RGR: variants seen among roughly 807,000 people sequenced by gnomAD.
RGR encodes retinal G protein coupled receptor.
RGR carries 30 observed loss-of-function variants against 28.6 expected under a neutral mutation model. The ratio of observed to expected loss-of-function variants is 1.05; its 90% CI spans 0.78 to 1.42. RGR has a LOEUF of 1.42. Among genes scored for constraint, RGR ranks in the 40% most tolerant of loss-of-function variants. The pLI is 0.00. For synonymous variants in RGR, 180 were observed against 156.4 expected (o/e 1.15, Z -1.13); for missense variants, 404 against 375.6 (o/e 1.08, Z -0.62).
At chr10:84,247,363 T>C (rs545946122) in intron 1 of RGR, among the ~76,000 whole-genome samples, 8 of 152,290 alleles carry the variant, frequency 5.3e-5, no homozygotes, top group African/African-American at 1.2e-4. Flanking sequence ...CAAGTAAAGA[T>C]TGAATGAGAT....
rs1842929168 is a variant in RGR, at chr10:84,259,599, A to G, written c.*960A>G. 1 of 152,164 alleles carries G rather than the reference A, an allele frequency of 6.6e-6. No homozygotes were observed. Among genetic ancestry groups the G allele is most frequent in the Admixed American group, 6.5e-5 (1 of 15,268 alleles). The allele number at this position is 152,164 out of a possible 1,614,324, so 9.4% of individuals were successfully genotyped here. A position where few individuals can be genotyped will look rare whatever the true frequency, so the allele number is the denominator to read the frequency against. On this transcript the variant is annotated 3_prime_UTR_variant, in exon 7 of 7. Coordinates refer to ENST00000652092, the MANE Select transcript of RGR (RefSeq NM_001012720.2). ...ATAGCCATTCTCACTTGTGTGAGAT[A>G]AGGTCTCATTGTGGTTTTAATTTCC...
chr10:84,249,425 G>C (rs1205944430), intron 3 of RGR, among the ~76,000 whole-genome samples: 1 of 152,136 alleles, frequency 6.6e-6, no homozygotes, highest in Non-Finnish European at 1.5e-5. Flanking sequence ...TGATTCTTTT[G>C]CCTCAGCCTC....
intron 2 of RGR, chr10:84,248,675 G>A (rs752602925): frequency 1.2e-5 from 7 of 606,192 alleles, no homozygotes; most frequent in Admixed American, 2.7e-5. Context: ...ATCTGATCAC[G>A]CAGAGAGAGC....
At chr10:84,249,083 A>G in intron 3 of RGR, 40 bp downstream of exon 3, 2 of 1,611,596 alleles carry the variant, frequency 1.2e-6, no homozygotes, top group Non-Finnish European at 1.7e-6. Context: ...ACACCGATGC[A>G]GTGTGGAGAG....
At chr10:84,245,645 T>G (rs1192410445) in intron 1 of RGR, among the ~76,000 whole-genome samples, 2 of 151,986 alleles carry the variant, frequency 1.3e-5, no homozygotes, top group Non-Finnish European at 1.5e-5. Context: ...TCCGAATGGG[T>G]GGTTGTAAAG....
intron 2 of RGR, 37 bp from the exon 3 acceptor site, chr10:84,248,885 C>T (rs1262658213): frequency 3.7e-6 from 6 of 1,614,034 alleles, no homozygotes; most frequent in East Asian, 2.2e-5. Flanking sequence ...TGGAAAGGAT[C>T]GGAGGAGAGG....
At chr10:84,254,129 A>G (rs957470299) in intron 4 of RGR, among the ~76,000 whole-genome samples, 197 bp from the exon 5 acceptor site, 2 of 152,192 alleles carry the variant, frequency 1.3e-5, no homozygotes, top group African/African-American at 4.8e-5. Context: ...CTTGAACAAG[A>G]AAGAGGCCTC....
intron 5 of RGR, among the ~76,000 whole-genome samples, chr10:84,254,717 C>A (rs983405228): frequency 6.6e-6 from 1 of 152,190 alleles, no homozygotes; most frequent in African/African-American, 2.4e-5. Context: ...CTCTAGCCAG[C>A]ATCTGCCTTT....
chr10:84,246,153 T>C (rs958902295), intron 1 of RGR, among the ~76,000 whole-genome samples: 1 of 152,210 alleles, frequency 6.6e-6, no homozygotes, highest in Non-Finnish European at 1.5e-5. Context: ...GGGTTTAAAT[T>C]TACATTTTTA....
intron 1 of RGR, among the ~76,000 whole-genome samples, chr10:84,246,303 G>A (rs545782456): frequency 6.6e-6 from 1 of 152,250 alleles, no homozygotes; most frequent in African/African-American, 2.4e-5. Flanking sequence ...CGTGGCAAAT[G>A]CTAGGACTTT....
chr10:84,250,247 T>C (rs1293475502), intron 3 of RGR: 2 of 677,914 alleles, frequency 3.0e-6, no homozygotes, highest in Middle Eastern at 2.4e-4. Flanking sequence ...GTGAGGTCTA[T>C]AGCCAGCACA....
intron 2 of RGR, chr10:84,248,581 A>T (rs2132878276): frequency 7.3e-6 from 3 of 409,952 alleles, no homozygotes; most frequent in Non-Finnish European, 1.4e-5. Context: ...CTTCTGTGTG[A>T]CCTTGGCTTC....
At position 84,248,955 on chromosome 10, in the gene RGR, T is replaced by C. The variant is rs1197535097; in HGVS notation, c.270T>C (p.Ala90=). Residue 90 remains alanine (A), a synonymous_variant, in exon 3 of 7, where the codon GCT becomes GCC. Transcript: ENST00000652092. ...RWPYGSDGCQ[A]HGFQGFVTAL... ...CCTACGGCTCGGACGGCTGCCAGGC[T>C]CACGGCTTCCAGGGCTTTGTGACAG... 1 of 1,614,142 alleles carries C rather than the reference T, an allele frequency of 6.2e-7. No homozygotes were observed. Among genetic ancestry groups the C allele is most frequent in the South Asian group, 1.1e-5 (1 of 91,080 alleles).
chr10:84,258,518 T>C lies in RGR; in HGVS notation c.755T>C (p.Leu252Pro). The change falls in exon 7 of 7, where the codon CTC becomes CCC. Residue 252 changes from leucine (L) to proline (P), a missense_variant. Leu to Pro is a moderately conservative substitution (Grantham distance 98, BLOSUM62 -3). Transcript: ENST00000652092. ...ISPKLQMVPALIAKMVPTINA... is the reference protein window; with the variant it reads ...ISPKLQMVPAPIAKMVPTINA... ...TTTCTGCCACAACAGGTGCCCGCCC[T>C]CATTGCCAAAATGGTGCCCACGATC... 6.2e-7 allele frequency: 1 copy of C among 1,614,222 alleles called. No individual in the cohort carries two copies. Among genetic ancestry groups the C allele is most frequent in the Non-Finnish European group, 8.5e-7 (1 of 1,180,038 alleles).
Position 84,257,909 on chromosome 10 carries a change from C to T in RGR, c.647C>T (p.Pro216Leu). ...SGHLQVNTTL[P>L]ARTLLLGWGP... ...TCTCCCCAGGTAAACACCACTCTGC[C>T]AGCAAGGACGCTGCTGCTCGGCTGG... Residue 216 changes from proline to leucine, a missense_variant, in exon 6 of 7, where the codon CCA (proline) becomes CTA (leucine). Transcript: ENST00000652092. The T allele has an allele frequency of 6.2e-7, 1 of 1,614,098 alleles. No homozygotes were observed. The highest frequency in any genetic ancestry group is 8.5e-7 in the Non-Finnish European group (1 of 1,180,000).
chr10:84,249,289 A>G (rs1039440352), intron 3 of RGR, among the ~76,000 whole-genome samples: 1 of 152,148 alleles, frequency 6.6e-6, no homozygotes, highest in African/African-American at 2.4e-5. Flanking sequence ...ATCCTCTCTG[A>G]ACCTTAGTCT....
At chr10:84,247,521 C>G in intron 1 of RGR, 70 bp from the exon 2 acceptor site, 3 of 1,572,764 alleles carry the variant, frequency 1.9e-6, no homozygotes, top group Non-Finnish European at 2.6e-6. Flanking sequence ...TTCCATCCAC[C>G]CCACACACAC....
At position 84,258,605 on chromosome 10, in the gene RGR, C is replaced by G; in HGVS notation, c.842C>G (p.Ser281Ter). 1 of 1,614,208 alleles carries G rather than the reference C, an allele frequency of 6.2e-7. No individual in the cohort carries two copies. The highest frequency in any genetic ancestry group is 8.5e-7 in the Non-Finnish European group (1 of 1,180,036). Residue 281 changes from serine to a stop codon, truncating the protein, a stop_gained, in exon 7 of 7, where the codon TCA (serine) becomes TGA (stop). Coordinates refer to ENST00000652092, the MANE Select transcript of RGR (RefSeq NM_001012720.2). LOFTEE classifies it low-confidence loss of function (END_TRUNC). ...MVCRGIWQCL[S>*]PQKREKDRTK ...TGCAGGGGAATCTGGCAGTGCCTCT[C>G]ACCGCAGAAGAGGGAGAAGGACCGA...
At chr10:84,253,891 C>T (rs1260555779) in intron 4 of RGR, among the ~76,000 whole-genome samples, 1 of 152,198 alleles carries the variant, frequency 6.6e-6, no homozygotes, top group East Asian at 1.9e-4. Flanking sequence ...ATGACCACTA[C>T]CTGGGAACCC....
Sources: gnomAD v4.1 joint callset for allele counts (sites outside exome capture counted in the v4.1 genomes callset) on GRCh38, gnomAD v4.1.1 for gene constraint, MANE v1.5 for transcripts, NCBI Gene and HGNC (gene_info 2026-07-23, HGNC 2026-07-21) for gene names.